Variants in GOT1 observed in about 807,000 individuals in gnomAD.
GOT1 encodes glutamic-oxaloacetic transaminase 1.
In GOT1, 25 loss-of-function variants were observed where a neutral mutation model predicts 48.2. That is an observed-to-expected ratio of 0.52 (90% confidence interval 0.38 to 0.72). The LOEUF is 0.72. Ranked by LOEUF, GOT1 falls within the 30% of genes least tolerant of loss-of-function variation. The pLI, the probability that GOT1 is intolerant of heterozygous loss-of-function variation, is 0.00. For synonymous variants in GOT1, 188 were observed against 193.8 expected, an observed-to-expected ratio of 0.97 and a Z score of 0.25; for missense variants, 380 against 520.1, an observed-to-expected ratio of 0.73 and a Z score of 2.62.
intron 2 of GOT1, among the ~76,000 whole-genome samples, chr10:99,414,426 C>T (rs1259413899): frequency 6.6e-6 from 1 of 152,048 alleles, no homozygotes; most frequent in East Asian, 1.9e-4. Flanking sequence ...ACAGGAGCAC[C>T]CAGATTCATA....
intron 1 of GOT1, among the ~76,000 whole-genome samples, chr10:99,427,471 G>T (rs1230357328): frequency 6.6e-6 from 1 of 152,046 alleles, no homozygotes; most frequent in African/African-American, 2.4e-5. Context: ...GGGTTTCACC[G>T]TGTTAGCCAG....
chr10:99,413,248 A>T (rs1353447687), intron 2 of GOT1, among the ~76,000 whole-genome samples: 3 of 152,352 alleles, frequency 2.0e-5, no homozygotes, highest in Middle Eastern at 3.4e-3. Flanking sequence ...TACTTAAAGG[A>T]CCTGATGGAG....
rs370171186 is a variant in GOT1 at position 99,399,225 on chromosome 10, G to A, written c.1103-1539C>T. Among the ~76,000 whole-genome samples, 24 of 152,078 alleles carry A rather than the reference G, an allele frequency of 1.6e-4. No homozygotes were observed. In the East Asian group the frequency reaches 2.3e-3, roughly 15 times the overall value. ...CAGATCTAGGGGAGATTAACTGAGA[G>A]TGTGATGCCTTTAAAGGTCTAAAAG... On this transcript the variant is annotated intron_variant, in intron 8 of 8. Transcript: ENST00000370508.
At chr10:99,429,740 G>A (rs941169788) in intron 1 of GOT1, among the ~76,000 whole-genome samples, 1 of 152,160 alleles carries the variant, frequency 6.6e-6, no homozygotes, top group African/African-American at 2.4e-5. Context: ...AGGTACAGAA[G>A]AGAATCACTT....
chr10:99,406,653 G>A (rs527558442), intron 3 of GOT1, 73 bp downstream of exon 3: 17 of 1,462,552 alleles, frequency 1.2e-5, no homozygotes, highest in Admixed American at 1.1e-4. Context: ...CATTTTCTGT[G>A]TAACCAGGGA....
chr10:99,402,372 G>A (rs2032692000), intron 8 of GOT1, among the ~76,000 whole-genome samples: 1 of 152,210 alleles, frequency 6.6e-6, no homozygotes, highest in African/African-American at 2.4e-5. Context: ...CTGTGGGTCA[G>A]CAGGGCAGAC....
intron 8 of GOT1, among the ~76,000 whole-genome samples, chr10:99,398,457 G>T (rs1172290014): frequency 6.6e-6 from 1 of 152,098 alleles, no homozygotes; most frequent in Admixed American, 6.6e-5. Context: ...ATTACCTGAG[G>T]TCAGAAGTTT....
At chr10:99,426,503 T>G (rs536070030) in intron 1 of GOT1, among the ~76,000 whole-genome samples, 4 of 152,246 alleles carry the variant, frequency 2.6e-5, no homozygotes, top group African/African-American at 9.6e-5. Context: ...TAGGAAACCA[T>G]GTTGAAAATA....
rs144600470 is a variant in GOT1 at position 99,406,867 on chromosome 10, G to A, written c.301-18C>T. 1 of 1,613,060 alleles carries A rather than the reference G, an allele frequency of 6.2e-7. No homozygotes were observed. The highest frequency in any genetic ancestry group is 8.5e-7 in the Non-Finnish European group (1 of 1,179,090). ...CCTCCTACCTGAAAGAGAAGAAACAGGGTCACAGGCTGATAATGGTGAGGT... is the reference window on the plus strand; with the variant it reads ...CCTCCTACCTGAAAGAGAAGAAACAAGGTCACAGGCTGATAATGGTGAGGT... On this transcript the variant is annotated intron_variant, in intron 2 of 8. Transcript: ENST00000370508.
chr10:99,423,942 C>T (rs980206084), intron 1 of GOT1, among the ~76,000 whole-genome samples: 4 of 152,104 alleles, frequency 2.6e-5, no homozygotes, highest in African/African-American at 9.7e-5. Context: ...AGGAGTGAGC[C>T]ACCATGCCTG....
intron 1 of GOT1, among the ~76,000 whole-genome samples, chr10:99,423,947 T>C (rs1017146216): frequency 1.3e-5 from 2 of 152,074 alleles, no homozygotes; most frequent in Non-Finnish European, 2.9e-5. Flanking sequence ...TGAGCCACCA[T>C]GCCTGGCCCA....
In GOT1 at chr10:99,402,729, C is replaced by A; in HGVS notation, c.960-7G>T. ...TGTCTTCACATTACCTGTCCTGAAG[C>A]ATGGACAGTGACGTAAATACCAATC... On this transcript the variant is annotated splice_polypyrimidine_tract_variant and splice_region_variant and intron_variant, in intron 7 of 8. Transcript: ENST00000370508. 6.2e-7 allele frequency: 1 copy of A among 1,611,972 alleles called. No individual in the cohort carries two copies. Among genetic ancestry groups the A allele is most frequent in the Middle Eastern group, 1.7e-4 (1 of 6,060 alleles).
intron 8 of GOT1, among the ~76,000 whole-genome samples, chr10:99,400,653 A>C (rs2032662327): frequency 2.0e-5 from 3 of 147,004 alleles, no homozygotes; most frequent in South Asian, 4.3e-4. Context: ...ACAAACAAAC[A>C]AAAAAGGCCA....
At chr10:99,406,598 C>G in intron 3 of GOT1, 128 bp downstream of exon 3, 1 of 871,230 alleles carries the variant, frequency 1.1e-6, no homozygotes, top group South Asian at 1.6e-5. Context: ...CCATAACCCA[C>G]TGTTCAAGCC....
intron 2 of GOT1, among the ~76,000 whole-genome samples, chr10:99,418,481 T>C (rs919181916): frequency 1.4e-5 from 2 of 145,868 alleles, no homozygotes; most frequent in African/African-American, 5.0e-5. Context: ...CAGTGGCCTA[T>C]GTTCCCCACT....
At chr10:99,424,137 G>T (rs1006323780) in intron 1 of GOT1, among the ~76,000 whole-genome samples, 1 of 152,130 alleles carries the variant, frequency 6.6e-6, no homozygotes, top group South Asian at 2.1e-4. Context: ...TGATCACAAC[G>T]TTACCATTGT....
intron 2 of GOT1, among the ~76,000 whole-genome samples, chr10:99,407,781 T>C (rs2032780433): frequency 9.7e-6 from 1 of 103,462 alleles, no homozygotes; most frequent in Non-Finnish European, 2.0e-5. Context: ...ATAAAAGCCA[T>C]ATTTTATTTA....
chr10:99,419,165 G>T lies in GOT1; in HGVS notation c.300+1459C>A, dbSNP rs2490280. 5.5e-3 allele frequency among the ~76,000 whole-genome samples: 841 copies of T among 152,268 alleles called. 8 individuals are homozygous for T. Among genetic ancestry groups the T allele is most frequent in the African/African-American group, 0.019 (780 of 41,536 alleles). ...AAACCTACTGTACACAGCATGTGGG[G>T]AATAAATCAGATGACTCCAAGATGT... is the stretch of plus-strand genomic sequence containing the variant. On this transcript the variant is annotated intron_variant, in intron 2 of 8. Coordinates refer to ENST00000370508, the MANE Select transcript of GOT1 (RefSeq NM_002079.3).
intron 1 of GOT1, among the ~76,000 whole-genome samples, chr10:99,423,684 T>C (rs1235603675): frequency 6.6e-6 from 1 of 152,218 alleles, no homozygotes; most frequent in African/African-American, 2.4e-5. Flanking sequence ...GGTCTCACTC[T>C]GTTGCCCAGG....
Sources: allele counts gnomAD v4.1 joint callset (sites outside exome capture counted in the v4.1 genomes callset), GRCh38; gene constraint gnomAD v4.1.1; transcripts MANE v1.5; gene names NCBI Gene and HGNC (gene_info 2026-07-23, HGNC 2026-07-21).